The following CADM1 variants were observed in gnomAD, a reference collection of about 807,000 sequenced individuals.
CADM1 encodes the protein cell adhesion molecule 1, also known as TSLC-1.
CADM1 carries 15 observed loss-of-function variants against 53.1 expected under a neutral mutation model. The ratio of observed to expected loss-of-function variants is 0.28; its 90% CI spans 0.19 to 0.44. The LOEUF (loss-of-function observed/expected upper bound fraction) is 0.44. Among genes scored for constraint, CADM1 ranks in the 20% least tolerant of loss-of-function variants. CADM1 has a pLI of 1.00. For missense variants in CADM1, 434 were observed against 611.3 expected (o/e 0.71, Z 3.06); for synonymous variants, 281 against 243.0 (o/e 1.16, Z -1.45).
chr11:115,337,875 C>G (rs147649944), intron 1 of CADM1, among the ~76,000 whole-genome samples: 235 of 152,208 alleles, frequency 1.5e-3, no homozygotes, highest in African/African-American at 5.2e-3. Context: ...AATAAATCAC[C>G]TTAGGGATGA....
chr11:115,234,221 T>C (rs1941930748), intron 3 of CADM1, among the ~76,000 whole-genome samples: 1 of 152,238 alleles, frequency 6.6e-6, no homozygotes, highest in Admixed American at 6.5e-5. Flanking sequence ...TCTTCAATGA[T>C]ATTTCTCAGT....
chr11:115,248,787 A>G (rs1942494950), intron 1 of CADM1, among the ~76,000 whole-genome samples: 1 of 152,084 alleles, frequency 6.6e-6, no homozygotes. Context: ...GAGAACTAAA[A>G]GAGAGAGAAA....
intron 1 of CADM1, among the ~76,000 whole-genome samples, chr11:115,267,784 A>G (rs1943186505): frequency 6.6e-6 from 1 of 151,444 alleles, no homozygotes; most frequent in South Asian, 2.1e-4. Context: ...GACGAATATA[A>G]GGCAACATGG....
At chr11:115,302,625 T>G (rs1413399451) in intron 1 of CADM1, among the ~76,000 whole-genome samples, 1 of 151,922 alleles carries the variant, frequency 6.6e-6, no homozygotes, top group Non-Finnish European at 1.5e-5. Flanking sequence ...TTTTCTTACC[T>G]AAAAAAAGAA....
chr11:115,310,720 C>A (rs1005058708), intron 1 of CADM1, among the ~76,000 whole-genome samples: 12 of 152,158 alleles, frequency 7.9e-5, no homozygotes, highest in Admixed American at 3.3e-4. Flanking sequence ...TTATCTGATA[C>A]ATGGCCTCCA....
At chr11:115,198,205 C>T (rs1227625023) in intron 9 of CADM1, among the ~76,000 whole-genome samples, 2 of 152,222 alleles carry the variant, frequency 1.3e-5, no homozygotes, top group Non-Finnish European at 2.9e-5. Flanking sequence ...CTCATCTCAG[C>T]TTGCATCCAT....
chr11:115,484,937 A>G, intron 1 of CADM1, among the ~76,000 whole-genome samples: 1 of 148,934 alleles, frequency 6.7e-6, no homozygotes, highest in Non-Finnish European at 1.5e-5. Flanking sequence ...ACAGAGCGAG[A>G]CTCTGTCTCA....
chr11:115,284,114 C>CTCTGTGTGTGTG (rs1351842329), intron 1 of CADM1, among the ~76,000 whole-genome samples: 11 of 98,690 alleles, frequency 1.1e-4, no homozygotes, highest in African/African-American at 4.2e-4. Flanking sequence ...CTCTCTCTCT[C>CTCTGTGTGTGTG]TGTGTGTGTG....
At chr11:115,237,687 TCA>T (rs10545836) in intron 3 of CADM1, among the ~76,000 whole-genome samples, 4,094 of 152,312 alleles carry the variant, frequency 0.027, 188 homozygotes, top group African/African-American at 0.093. Flanking sequence ...CCTTGAAAAT[TCA>T]GTTTCAAGAA....
At chr11:115,295,527 T>TA (rs1387319768) in intron 1 of CADM1, among the ~76,000 whole-genome samples, 2 of 83,318 alleles carry the variant, frequency 2.4e-5, no homozygotes, top group African/African-American at 1.7e-4. Flanking sequence ...TATATATATA[T>TA]ATATATATAT....
At chr11:115,323,608 G>C (rs984572832) in intron 1 of CADM1, among the ~76,000 whole-genome samples, 3 of 152,162 alleles carry the variant, frequency 2.0e-5, no homozygotes, top group Non-Finnish European at 2.9e-5. Context: ...ATGATGAAAT[G>C]ATGGTAAGAA....
At chr11:115,315,011 T>C (rs1373097676) in intron 1 of CADM1, among the ~76,000 whole-genome samples, 1 of 152,168 alleles carries the variant, frequency 6.6e-6, no homozygotes, top group Non-Finnish European at 1.5e-5. Flanking sequence ...GATTTGGAGT[T>C]GACACGTTAA....
intron 1 of CADM1, among the ~76,000 whole-genome samples, chr11:115,382,286 A>C (rs1946598572): frequency 6.6e-6 from 1 of 152,198 alleles, no homozygotes; most frequent in Non-Finnish European, 1.5e-5. Context: ...TATGTAAATA[A>C]TAATACTGTT....
At chr11:115,360,563 C>T (rs765619442) in intron 1 of CADM1, among the ~76,000 whole-genome samples, 6 of 152,146 alleles carry the variant, frequency 3.9e-5, no homozygotes, top group Non-Finnish European at 7.3e-5. Context: ...ATATCAAAGC[C>T]AGATACATTT....
intron 1 of CADM1, among the ~76,000 whole-genome samples, chr11:115,431,622 C>T (rs1948053647): frequency 6.6e-6 from 1 of 152,048 alleles, no homozygotes; most frequent in South Asian, 2.1e-4. Flanking sequence ...ACCTTCCTAC[C>T]TCTTCTCTCC....
chr11:115,386,734 C>G (rs1211240471), intron 1 of CADM1, among the ~76,000 whole-genome samples: 1 of 152,180 alleles, frequency 6.6e-6, no homozygotes, highest in Non-Finnish European at 1.5e-5. Flanking sequence ...CCAGTCACCC[C>G]TTAAAGGCTC....
chr11:115,360,434 T>A (rs1266804861), intron 1 of CADM1, among the ~76,000 whole-genome samples: 1 of 152,196 alleles, frequency 6.6e-6, no homozygotes, highest in Non-Finnish European at 1.5e-5. Context: ...CAGCATCAAA[T>A]GGGTTACTTG....
intron 1 of CADM1, among the ~76,000 whole-genome samples, chr11:115,464,144 A>T (rs144747420): frequency 5.3e-5 from 8 of 152,310 alleles, no homozygotes; most frequent in Non-Finnish European, 1.0e-4. Flanking sequence ...TTAACACATT[A>T]GTCTTATTTC....
intron 1 of CADM1, among the ~76,000 whole-genome samples, chr11:115,340,817 C>A (rs1275261594): frequency 1.3e-5 from 2 of 150,458 alleles, no homozygotes; most frequent in East Asian, 2.0e-4. Flanking sequence ...TGTGCCATCA[C>A]CCCCAGCTAA....
Sources: allele counts gnomAD v4.1 joint callset (sites outside exome capture counted in the v4.1 genomes callset), GRCh38; gene constraint gnomAD v4.1.1; transcripts MANE v1.5; gene names NCBI Gene and HGNC (gene_info 2026-07-23, HGNC 2026-07-21).